Variants in LDLRAD3 observed in about 807,000 individuals in gnomAD.
LDLRAD3 encodes low-density lipoprotein receptor class A domain-containing protein 3.
Under a neutral mutation model 29.4 loss-of-function variants are expected in LDLRAD3, and 20 were observed. The ratio of observed to expected loss-of-function variants is 0.68; its 90% CI spans 0.48 to 0.99. LDLRAD3 has a LOEUF of 0.99. Among genes scored for constraint, LDLRAD3 ranks in the 50% least tolerant of loss-of-function variants. The pLI, the probability that LDLRAD3 is intolerant of heterozygous loss-of-function variation, is 0.00. For missense variants in LDLRAD3, 420 were observed against 454.3 expected (o/e 0.92, Z 0.69); for synonymous variants, 157 against 192.7 (o/e 0.81, Z 1.53).
At chr11:36,039,528 T>C (rs553451295) in intron 2 of LDLRAD3, among the ~76,000 whole-genome samples, 1 of 150,978 alleles carries the variant, frequency 6.6e-6, no homozygotes, top group Non-Finnish European at 1.5e-5. Flanking sequence ...TTTTAACCTG[T>C]ATGAAGCACG....
chr11:36,162,261 A>G lies in LDLRAD3; in HGVS notation c.454+63800A>G, dbSNP rs553532679. Among the ~76,000 whole-genome samples, 178 of 152,302 alleles carry G rather than the reference A, an allele frequency of 1.2e-3. 5 individuals carry two copies. Among genetic ancestry groups the G allele is most frequent in the Admixed American group, 0.01 (156 of 15,288 alleles). On this transcript the variant is annotated intron_variant, in intron 4 of 5. Transcript: ENST00000315571. Reference sequence around the variant, plus strand: ...AAGTTTCATCTACATTTTTAGAAAGATGCATTTTTGAAGAATTGGGATATC... The same window carrying G: ...AAGTTTCATCTACATTTTTAGAAAGGTGCATTTTTGAAGAATTGGGATATC...
intron 4 of LDLRAD3, among the ~76,000 whole-genome samples, chr11:36,218,990 G>A (rs1320420181): frequency 2.0e-5 from 3 of 152,246 alleles, no homozygotes; most frequent in Non-Finnish European, 4.4e-5. Flanking sequence ...TACAAGCATA[G>A]GGAGCAGTTT....
chr11:36,207,537 C>CT (rs1855227366), intron 4 of LDLRAD3, among the ~76,000 whole-genome samples: 1 of 152,068 alleles, frequency 6.6e-6, no homozygotes, highest in Admixed American at 6.5e-5. Context: ...GGGGTCCCAG[C>CT]TACTCAGGAG....
chr11:36,084,773 T>G (rs567956882), intron 3 of LDLRAD3, among the ~76,000 whole-genome samples: 17 of 152,224 alleles, frequency 1.1e-4, no homozygotes, highest in African/African-American at 3.9e-4. Flanking sequence ...AATGGAGAGA[T>G]CAGGCTGAAA....
chr11:35,961,253 G>A (rs969085102), intron 1 of LDLRAD3, among the ~76,000 whole-genome samples: 1 of 152,192 alleles, frequency 6.6e-6, no homozygotes, highest in African/African-American at 2.4e-5. Flanking sequence ...TTCATCCAGG[G>A]TGCACTGCTG....
chr11:36,064,915 T>C (rs1025271386), intron 2 of LDLRAD3, among the ~76,000 whole-genome samples: 2 of 152,224 alleles, frequency 1.3e-5, no homozygotes, highest in African/African-American at 4.8e-5. Context: ...TTTAACTGTA[T>C]TGAGGTTTGT....
At chr11:36,160,730 T>A (rs7951966) in intron 4 of LDLRAD3, among the ~76,000 whole-genome samples, 1 of 151,958 alleles carries the variant, frequency 6.6e-6, no homozygotes, top group Non-Finnish European at 1.5e-5. Context: ...GGACTGAAAA[T>A]GCGTTAGTGA....
At chr11:36,054,840 A>ATGGATGGATGGATGG (rs1852585740) in intron 2 of LDLRAD3, among the ~76,000 whole-genome samples, 1 of 133,702 alleles carries the variant, frequency 7.5e-6, no homozygotes, top group African/African-American at 2.9e-5. Context: ...TGGATGGATG[A>ATGGATGGATGGATGG]ATGGATGGAT....
At chr11:36,155,499 C>G (rs1470364554) in intron 4 of LDLRAD3, among the ~76,000 whole-genome samples, 1 of 152,208 alleles carries the variant, frequency 6.6e-6, no homozygotes, top group Non-Finnish European at 1.5e-5. Flanking sequence ...TCTCCCCACG[C>G]TGGCCTCCGT....
At chr11:36,010,801 C>G (rs115852742) in intron 1 of LDLRAD3, among the ~76,000 whole-genome samples, 2,478 of 152,222 alleles carry the variant, frequency 0.016, 64 homozygotes, top group African/African-American at 0.055. Context: ...ATTTCCCCCT[C>G]CTTAGAAATT....
At chr11:36,211,807 A>G (rs1489350492) in intron 4 of LDLRAD3, among the ~76,000 whole-genome samples, 3 of 152,310 alleles carry the variant, frequency 2.0e-5, no homozygotes, top group East Asian at 1.9e-4. Flanking sequence ...TTTCCCTGCA[A>G]TGCTATTTGT....
chr11:36,159,601 C>CT (rs1854406343), intron 4 of LDLRAD3, among the ~76,000 whole-genome samples: 1 of 19,028 alleles, frequency 5.3e-5, no homozygotes, highest in Non-Finnish European at 1.1e-4. Context: ...TTTACAGAAA[C>CT]TAAAAAAAAA....
intron 4 of LDLRAD3, among the ~76,000 whole-genome samples, chr11:36,219,821 G>T (rs889600588): frequency 1.3e-5 from 2 of 152,030 alleles, no homozygotes; most frequent in African/African-American, 4.8e-5. Flanking sequence ...TTTCTTCATT[G>T]ACTAGTCTTA....
chr11:36,181,057 C>T (rs1013445820), intron 4 of LDLRAD3, among the ~76,000 whole-genome samples: 28 of 152,012 alleles, frequency 1.8e-4, no homozygotes, highest in Admixed American at 3.3e-4. Flanking sequence ...TAGCTGATCT[C>T]GGGCAGAGAT....
chr11:36,015,532 G>A (rs986807127), intron 1 of LDLRAD3, among the ~76,000 whole-genome samples: 7 of 152,010 alleles, frequency 4.6e-5, no homozygotes, highest in African/African-American at 9.7e-5. Flanking sequence ...CGAAGAGCGC[G>A]CAGATGTTAA....
chr11:36,204,966 G>A (rs946296207), intron 4 of LDLRAD3, among the ~76,000 whole-genome samples: 17 of 152,162 alleles, frequency 1.1e-4, no homozygotes, highest in African/African-American at 2.2e-4. Context: ...GGCTGGAGCC[G>A]CCTATTCTTG....
At chr11:36,110,097 G>A (rs1853585724) in intron 4 of LDLRAD3, 1 of 152,180 alleles carries the variant, frequency 6.6e-6, no homozygotes, top group African/African-American at 2.4e-5. Context: ...GTGTACAGGT[G>A]GGGTTTTCTT....
chr11:36,069,584 C>T (rs1369107766), intron 2 of LDLRAD3, among the ~76,000 whole-genome samples: 1 of 151,648 alleles, frequency 6.6e-6, no homozygotes, highest in Non-Finnish European at 1.5e-5. Context: ...CACATCTTTA[C>T]AGTGAGCTGA....
chr11:36,153,589 C>T (rs1590314213), intron 4 of LDLRAD3, among the ~76,000 whole-genome samples: 1 of 152,248 alleles, frequency 6.6e-6, no homozygotes, highest in East Asian at 1.9e-4. Context: ...AAGGTAGACC[C>T]TGTTACCAAG....
Sources: gnomAD v4.1 joint callset for allele counts (sites outside exome capture counted in the v4.1 genomes callset) on GRCh38, gnomAD v4.1.1 for gene constraint, MANE v1.5 for transcripts, NCBI Gene and HGNC (gene_info 2026-07-23, HGNC 2026-07-21) for gene names.